ULK4: variants seen among roughly 807,000 people sequenced by gnomAD.
The protein encoded by ULK4 is inactive serine/threonine-protein kinase ULK4.
A neutral mutation model predicts 160.6 loss-of-function variants in ULK4; 133 were observed. That is an observed-to-expected ratio of 0.83 (90% CI 0.72 to 0.96). ULK4 has a LOEUF of 0.96. Ranked by LOEUF, ULK4 falls within the 40% of genes least tolerant of loss-of-function variation. The probability of loss-of-function intolerance (pLI) is 0.00; values close to 1 mark genes in which losing one functional copy is unlikely to be tolerated. For synonymous variants in ULK4, 534 were observed against 539.8 expected (o/e 0.99, Z 0.15); for missense variants, 1,580 against 1,499.5 (o/e 1.05, Z -0.89).
At chr3:41,421,615 A>T (rs1435345713) in intron 34 of ULK4, among the ~76,000 whole-genome samples, 1 of 152,190 alleles carries the variant, frequency 6.6e-6, no homozygotes, top group Non-Finnish European at 1.5e-5. Flanking sequence ...TCCAGAATCA[A>T]ATATTATTTG....
At chr3:41,549,622 T>C (rs928242977) in intron 32 of ULK4, among the ~76,000 whole-genome samples, 8 of 152,098 alleles carry the variant, frequency 5.3e-5, no homozygotes, top group African/African-American at 1.2e-4. Flanking sequence ...GAAAAATCTA[T>C]GTAATAAAAT....
At chr3:41,302,022 C>A (rs1203336929) in intron 35 of ULK4, among the ~76,000 whole-genome samples, 3 of 152,106 alleles carry the variant, frequency 2.0e-5, no homozygotes. Flanking sequence ...ATGCGAAGCA[C>A]CTGAATGAGG....
chr3:41,492,511 T>G (rs1284370697), intron 32 of ULK4, among the ~76,000 whole-genome samples: 1 of 149,398 alleles, frequency 6.7e-6, no homozygotes, highest in Non-Finnish European at 1.5e-5. Context: ...AGGAAGAAAC[T>G]GCATCAACTA....
At chr3:41,679,178 T>G (rs1287951228) in intron 29 of ULK4, among the ~76,000 whole-genome samples, 2 of 152,182 alleles carry the variant, frequency 1.3e-5, no homozygotes, top group Non-Finnish European at 2.9e-5. Flanking sequence ...CCTATTACAA[T>G]CTTTACTTTA....
chr3:41,758,337 T>C (rs1342808618), intron 21 of ULK4, among the ~76,000 whole-genome samples: 2 of 151,886 alleles, frequency 1.3e-5, no homozygotes, highest in African/African-American at 4.8e-5. Flanking sequence ...CAAAGCAAAA[T>C]TGAGGGAGAG....
At chr3:41,802,479 AAC>A (rs1303575940) in intron 19 of ULK4, among the ~76,000 whole-genome samples, 1 of 151,992 alleles carries the variant, frequency 6.6e-6, no homozygotes, top group African/African-American at 2.4e-5. Context: ...TTTATTTTTT[AAC>A]AGAGATGAGG....
At chr3:41,784,145 T>G (rs1227292322) in intron 21 of ULK4, among the ~76,000 whole-genome samples, 2 of 152,030 alleles carry the variant, frequency 1.3e-5, no homozygotes, top group Non-Finnish European at 2.9e-5. Flanking sequence ...TTCAAAAAGT[T>G]TCCTATTGGC....
chr3:41,400,994 T>A (rs2082167813), intron 34 of ULK4, among the ~76,000 whole-genome samples: 1 of 152,238 alleles, frequency 6.6e-6, no homozygotes, highest in South Asian at 2.1e-4. Context: ...GGGTGTTTGA[T>A]TCTTTATTCT....
chr3:41,253,460 G>T (rs2078775668), intron 35 of ULK4, among the ~76,000 whole-genome samples: 1 of 151,384 alleles, frequency 6.6e-6, no homozygotes, highest in South Asian at 2.1e-4. Flanking sequence ...ACTCTAAAAA[G>T]TTAAGTATTT....
intron 20 of ULK4, among the ~76,000 whole-genome samples, chr3:41,796,977 G>A (rs1559559006): frequency 1.3e-5 from 2 of 152,136 alleles, no homozygotes; most frequent in African/African-American, 2.4e-5. Flanking sequence ...GATCCCACTC[G>A]CCAAATCTGG....
chr3:41,271,416 A>T (rs1376675636), intron 35 of ULK4, among the ~76,000 whole-genome samples: 1 of 150,104 alleles, frequency 6.7e-6, no homozygotes, highest in African/African-American at 2.5e-5. Context: ...TTTTGAGACA[A>T]AGTTTCACTC....
At chr3:41,666,077 A>C (rs758306730) in intron 29 of ULK4, among the ~76,000 whole-genome samples, 4 of 152,212 alleles carry the variant, frequency 2.6e-5, no homozygotes, top group Non-Finnish European at 5.9e-5. Flanking sequence ...TCCCAGTAGC[A>C]ATGTGTGGCA....
At chr3:41,842,819 T>C (rs998097076) in intron 17 of ULK4, among the ~76,000 whole-genome samples, 14 of 152,234 alleles carry the variant, frequency 9.2e-5, no homozygotes, top group Non-Finnish European at 1.6e-4. Context: ...GCATTACTGG[T>C]GGGATAGGCA....
chr3:41,383,616 T>C (rs1157412927), intron 35 of ULK4, among the ~76,000 whole-genome samples: 1 of 152,174 alleles, frequency 6.6e-6, no homozygotes, highest in African/African-American at 2.4e-5. Flanking sequence ...ACAATTACTA[T>C]TATTAGAACC....
intron 17 of ULK4, among the ~76,000 whole-genome samples, chr3:41,857,017 TG>T (rs533953971): frequency 5.1e-4 from 77 of 152,290 alleles, no homozygotes; most frequent in African/African-American, 1.8e-3. Context: ...AACTAGGTCC[TG>T]GGTAAAAGAC....
At chr3:41,760,162 G>A (rs544593408) in intron 21 of ULK4, among the ~76,000 whole-genome samples, 7 of 152,212 alleles carry the variant, frequency 4.6e-5, no homozygotes, top group African/African-American at 1.7e-4. Context: ...ATATGTATCT[G>A]TCGAATAGAT....
At chr3:41,847,082 C>T (rs535024953) in intron 17 of ULK4, among the ~76,000 whole-genome samples, 4 of 152,274 alleles carry the variant, frequency 2.6e-5, no homozygotes, top group Admixed American at 2.0e-4. Flanking sequence ...TTCCACACTA[C>T]TTCTTTGAAA....
At chr3:41,728,728 G>A (rs911405891) in intron 22 of ULK4, among the ~76,000 whole-genome samples, 2 of 152,118 alleles carry the variant, frequency 1.3e-5, no homozygotes, top group South Asian at 2.1e-4. Flanking sequence ...AAGTAAGAAA[G>A]TACTTCAAGA....
At chr3:41,335,598 T>G (rs1197538723) in intron 35 of ULK4, among the ~76,000 whole-genome samples, 5 of 152,162 alleles carry the variant, frequency 3.3e-5, no homozygotes, top group African/African-American at 1.2e-4. Flanking sequence ...TTATGGCCTG[T>G]GATGTGTGTA....
Sources: gnomAD v4.1 joint callset for allele counts (sites outside exome capture counted in the v4.1 genomes callset) on GRCh38, gnomAD v4.1.1 for gene constraint, MANE v1.5 for transcripts, NCBI Gene and HGNC (gene_info 2026-07-23, HGNC 2026-07-21) for gene names.